The following AIG1 variants were observed in gnomAD, a reference collection of about 807,000 sequenced individuals.
The protein encoded by AIG1 is androgen-induced gene 1 protein.
Under a neutral mutation model 31.4 loss-of-function variants are expected in AIG1, and 23 were observed. That is an observed-to-expected ratio of 0.73 (90% CI 0.53 to 1.04). AIG1 has a LOEUF of 1.04. Ranked by LOEUF, AIG1 falls within the 50% of genes least tolerant of loss-of-function variation. AIG1 has a pLI of 0.00. For synonymous variants in AIG1, 100 were observed against 110.5 expected, an observed-to-expected ratio of 0.90 and a Z score of 0.60; for missense variants, 274 against 295.0, an observed-to-expected ratio of 0.93 and a Z score of 0.52.
At chr6:143,275,651 C>A (rs896031696) in intron 3 of AIG1, among the ~76,000 whole-genome samples, 2 of 152,138 alleles carry the variant, frequency 1.3e-5, no homozygotes, top group African/African-American at 4.8e-5. Context: ...TACTTATCAA[C>A]CCCTAGTCAC....
intron 4 of AIG1, among the ~76,000 whole-genome samples, chr6:143,310,374 A>T (rs1269441514): frequency 6.6e-6 from 1 of 151,962 alleles, no homozygotes; most frequent in Non-Finnish European, 1.5e-5. Flanking sequence ...TGGAAATTAA[A>T]TAGCACACTA....
At chr6:143,118,709 T>C (rs1292382395) in intron 1 of AIG1, among the ~76,000 whole-genome samples, 2 of 152,300 alleles carry the variant, frequency 1.3e-5, no homozygotes, top group East Asian at 3.9e-4. Flanking sequence ...AGACTTATCA[T>C]TTATGTTGCC....
chr6:143,265,796 TA>T, intron 3 of AIG1, among the ~76,000 whole-genome samples: 1 of 152,174 alleles, frequency 6.6e-6, no homozygotes, highest in South Asian at 2.1e-4. Context: ...ATGCCTTCGG[TA>T]TTCACAGTGT....
chr6:143,171,431 A>AT (rs1491179531), intron 3 of AIG1, among the ~76,000 whole-genome samples: 1 of 94,784 alleles, frequency 1.1e-5, no homozygotes, highest in African/African-American at 4.4e-5. Context: ...TAATATATAT[A>AT]ATATATATAT....
intron 3 of AIG1, among the ~76,000 whole-genome samples, chr6:143,171,107 G>A (rs1787467728): frequency 6.6e-6 from 1 of 151,722 alleles, no homozygotes; most frequent in Non-Finnish European, 1.5e-5. Context: ...ACAGAAAGCT[G>A]AAAAATCAAC....
At chr6:143,103,754 G>A (rs1017787550) in intron 1 of AIG1, among the ~76,000 whole-genome samples, 2 of 151,868 alleles carry the variant, frequency 1.3e-5, no homozygotes, top group South Asian at 4.2e-4. Flanking sequence ...TGATCCGCCC[G>A]CCTCGGCCTC....
intron 4 of AIG1, among the ~76,000 whole-genome samples, chr6:143,322,420 G>T (rs1264028856): frequency 6.6e-6 from 1 of 152,150 alleles, no homozygotes; most frequent in African/African-American, 2.4e-5. Flanking sequence ...CCGTTACAGT[G>T]CCTTGCTAAC....
Position 143,326,961 on chromosome 6 carries a change from G to A in AIG1, c.516-6321G>A, listed in dbSNP as rs1776662788. On this transcript the variant is annotated intron_variant, in intron 4 of 5. Coordinates refer to ENST00000357847, the MANE Select transcript of AIG1 (RefSeq NM_016108.4). This position sits in a 1 kb window ranked among gnomAD's most constrained non-coding sequence, Gnocchi z 4.5. ...CACTCTAGACTTTGTTGAAACTTTG[G>A]GTCTCTAACAAAAAATCAGTGGGAG... Among the ~76,000 whole-genome samples, 1 of 152,044 alleles carries A rather than the reference G, an allele frequency of 6.6e-6. No homozygotes were observed. Among genetic ancestry groups the A allele is most frequent in the Non-Finnish European group, 1.5e-5 (1 of 68,002 alleles).
At position 143,156,431 on chromosome 6, in the gene AIG1, C is replaced by A. The variant is rs192567255; in HGVS notation, c.298-8651C>A. On this transcript the variant is annotated intron_variant, in intron 2 of 5. Coordinates refer to ENST00000357847, the MANE Select transcript of AIG1 (RefSeq NM_016108.4). ...TAATGTGTAGAGTGCATTTTACATG[C>A]ATAGAAAAAGATCTTGAAAGATATA... is the stretch of plus-strand genomic sequence containing the variant. Among the ~76,000 whole-genome samples, 231 of 152,222 alleles carry A rather than the reference C, an allele frequency of 1.5e-3. 2 individuals are homozygous for A. The highest frequency in any genetic ancestry group is 5.4e-3 in the African/African-American group (224 of 41,516).
At chr6:143,120,150 T>G (rs9496526) in intron 1 of AIG1, among the ~76,000 whole-genome samples, 2,338 of 152,194 alleles carry the variant, frequency 0.015, 57 homozygotes, top group African/African-American at 0.053. Flanking sequence ...GTCAGGCTGA[T>G]CTCGAACTCC....
chr6:143,160,645 C>G (rs1786275512), intron 2 of AIG1, among the ~76,000 whole-genome samples: 2 of 152,202 alleles, frequency 1.3e-5, no homozygotes, highest in South Asian at 4.1e-4. Context: ...TATCGCTTAG[C>G]CTGTCCAAGA....
At chr6:143,129,467 G>T (rs1288385038) in intron 1 of AIG1, among the ~76,000 whole-genome samples, 2 of 152,158 alleles carry the variant, frequency 1.3e-5, no homozygotes, top group African/African-American at 4.8e-5. Context: ...AGAGTGACAG[G>T]TAATAGTGAG....
chr6:143,333,430 T>C lies in AIG1; in HGVS notation c.664T>C (p.Trp222Arg). The C allele has an allele frequency of 1.2e-6, 2 of 1,613,068 alleles. No individual in the cohort carries two copies. The highest frequency in any genetic ancestry group is 1.7e-5 in the Admixed American group (1 of 59,740). The change falls in exon 5 of 6, where the codon TGG (tryptophan) becomes CGG (arginine). Residue 222 changes from tryptophan (W) to arginine (R), a missense_variant. Physicochemically the swap from Trp to Arg is moderately radical, Grantham distance 101. This residue lies in a region of AIG1 where 31 missense variants were observed against 56.5 expected (regional missense o/e 0.55). Transcript: ENST00000357847. This position sits in a 1 kb window ranked among gnomAD's most constrained non-coding sequence, Gnocchi z 4.6. Reference sequence around the variant, plus strand: ...GGGAGAAGTTCTGAACAACTATATCTGGGATACACAGAAAAGTAAGTATTG... The same window carrying C: ...GGGAGAAGTTCTGAACAACTATATCCGGGATACACAGAAAAGTAAGTATTG... ...LLGEVLNNYI[W>R]DTQKSMEEEK...
intron 1 of AIG1, among the ~76,000 whole-genome samples, chr6:143,128,694 G>T (rs1782915150): frequency 6.6e-6 from 1 of 152,212 alleles, no homozygotes; most frequent in Non-Finnish European, 1.5e-5. Flanking sequence ...ATTTTAAGTT[G>T]CAGTGGTCAG....
intron 4 of AIG1, among the ~76,000 whole-genome samples, chr6:143,305,356 G>T (rs939281365): frequency 3.3e-5 from 5 of 151,746 alleles, no homozygotes; most frequent in Admixed American, 6.6e-5. Context: ...TCTTTTGTGG[G>T]CATTTAGTGC....
At chr6:143,078,465 A>G (rs1488118646) in intron 1 of AIG1, among the ~76,000 whole-genome samples, 1 of 152,130 alleles carries the variant, frequency 6.6e-6, no homozygotes, top group Non-Finnish European at 1.5e-5. Context: ...TGAATATTGT[A>G]TTAGTCTGTT....
In AIG1 at chr6:143,328,607, T is replaced by C. The variant is rs901492044; in HGVS notation, c.516-4675T>C. On this transcript the variant is annotated intron_variant, in intron 4 of 5. Coordinates refer to ENST00000357847, the MANE Select transcript of AIG1 (RefSeq NM_016108.4). The surrounding 1 kb of genome is among the most constrained non-coding windows in gnomAD (Gnocchi z 4.0). Reference sequence around the variant, plus strand: ...GTTAGCTCTGCCTCATTTACTTTTTTTCATCGATGCATTATAGATGTACAC... The same window carrying C: ...GTTAGCTCTGCCTCATTTACTTTTTCTCATCGATGCATTATAGATGTACAC... Among the ~76,000 whole-genome samples the C allele has an allele frequency of 6.6e-5, 10 of 152,196 alleles. No homozygotes were observed. The highest frequency in any genetic ancestry group is 2.2e-4 in the African/African-American group (9 of 41,454).
At chr6:143,342,836 C>A, downstream of AIG1, 2 of 807,896 alleles carry the variant, frequency 2.5e-6, no homozygotes, top group Non-Finnish European at 4.5e-6. Context: ...TATTTCAAAT[C>A]TAATCCAGCC....
In AIG1 at chr6:143,330,320, T is replaced by G. The variant is rs984133343; in HGVS notation, c.516-2962T>G. ...AGTTTGAGGGTAGAGGTTGCAATTT[T>G]TAGATACAGTGGCCAGGGAAGACAT... is the stretch of plus-strand genomic sequence containing the variant. On this transcript the variant is annotated intron_variant, in intron 4 of 5. Transcript: ENST00000357847. The surrounding 1 kb of genome is among the most constrained non-coding windows in gnomAD (Gnocchi z 4.4). Among the ~76,000 whole-genome samples, 60 of 152,140 alleles carry G rather than the reference T, an allele frequency of 3.9e-4. No individual in the cohort carries two copies. The highest frequency in any genetic ancestry group is 1.4e-3 in the African/African-American group (58 of 41,420).
Sources: allele counts gnomAD v4.1 joint callset (sites outside exome capture counted in the v4.1 genomes callset), GRCh38; gene constraint gnomAD v4.1.1; regional missense constraint gnomAD v4.1.1; non-coding constraint Gnocchi (gnomAD v3.1); transcripts MANE v1.5; gene names NCBI Gene and HGNC (gene_info 2026-07-23, HGNC 2026-07-21).